The following RMDN2 variants were observed in gnomAD, a reference collection of about 807,000 sequenced individuals.
RMDN2 encodes the protein regulator of microtubule dynamics protein 2.
A neutral mutation model predicts 52.8 loss-of-function variants in RMDN2; 61 were observed. That is an observed-to-expected ratio of 1.16 (90% CI 0.94 to 1.43). RMDN2 has a LOEUF of 1.43. Among genes scored for constraint, RMDN2 ranks in the 40% most tolerant of loss-of-function variants. The probability of loss-of-function intolerance (pLI) is 0.00; values close to 1 mark genes in which losing one functional copy is unlikely to be tolerated. For synonymous variants in RMDN2, 180 were observed against 153.1 expected, an observed-to-expected ratio of 1.18 and a Z score of -1.30; for missense variants, 592 against 475.3, an observed-to-expected ratio of 1.25 and a Z score of -2.28.
At chr2:38,049,306 A>G (rs934370561) in intron 10 of RMDN2, among the ~76,000 whole-genome samples, 1 of 152,144 alleles carries the variant, frequency 6.6e-6, no homozygotes, top group African/African-American at 2.4e-5. Context: ...TCAGTCAGAG[A>G]AGCAGCATGA....
chr2:37,983,217 G>T (rs1344401729), intron 5 of RMDN2, among the ~76,000 whole-genome samples: 3 of 152,136 alleles, frequency 2.0e-5, no homozygotes, highest in Admixed American at 6.5e-5. Context: ...TCAATTTGAG[G>T]TTATTTATCA....
Position 37,929,542 on chromosome 2 carries a change from C to G in RMDN2, c.265C>G (p.Leu89Val). Residue 89 changes from leucine (L) to valine (V), a missense_variant, in exon 2 of 11, where the codon CTC (leucine) becomes GTC (valine). Transcript: ENST00000354545. ...LNELLTNMEE[L>V]KEEIRFLKEA... is the part of the protein sequence containing the mutation. Reference sequence around the variant, plus strand: ...CGAATTACTGACAAATATGGAAGAACTCAAAGAGGAAATCAGATTTCTTAA... The same window carrying G: ...CGAATTACTGACAAATATGGAAGAAGTCAAAGAGGAAATCAGATTTCTTAA... The G allele has an allele frequency of 6.4e-7, 1 of 1,551,704 alleles. No homozygotes were observed. Among genetic ancestry groups the G allele is most frequent in the Non-Finnish European group, 8.7e-7 (1 of 1,146,950 alleles).
chr2:38,020,964 T>G (rs142445641), downstream of RMDN2, among the ~76,000 whole-genome samples: 4,867 of 152,310 alleles, frequency 0.032, 232 homozygotes, highest in African/African-American at 0.1. Context: ...TGAAGCCATC[T>G]GGGCTCCTGA....
At chr2:38,020,178 C>G (rs1443008801), downstream of RMDN2, among the ~76,000 whole-genome samples, 2 of 152,174 alleles carry the variant, frequency 1.3e-5, no homozygotes, top group Non-Finnish European at 1.5e-5. Flanking sequence ...TTAGTGTGCA[C>G]TTTATTTCTA....
At chr2:37,972,255 A>G (rs969892911) in intron 2 of RMDN2, among the ~76,000 whole-genome samples, 2 of 152,160 alleles carry the variant, frequency 1.3e-5, no homozygotes, top group Admixed American at 1.3e-4. Flanking sequence ...TTTTATTTTT[A>G]TGTAAATAAT....
chr2:38,005,058 A>G (rs1676885516), intron 10 of RMDN2, among the ~76,000 whole-genome samples: 1 of 152,098 alleles, frequency 6.6e-6, no homozygotes, highest in Admixed American at 6.5e-5. Context: ...ATAGTATTCC[A>G]TGGTGTATAT....
chr2:37,980,317 T>A (rs913697105), intron 4 of RMDN2, among the ~76,000 whole-genome samples: 6 of 152,166 alleles, frequency 3.9e-5, no homozygotes, highest in East Asian at 3.8e-4. Context: ...GGTTTTTTTT[T>A]ATTTGAGACA....
At chr2:38,025,238 C>T (rs1343143632) in intron 10 of RMDN2, among the ~76,000 whole-genome samples, 1 of 151,882 alleles carries the variant, frequency 6.6e-6, no homozygotes, top group African/African-American at 2.4e-5. Flanking sequence ...CAAACTTATT[C>T]CTAAGTATTT....
At chr2:37,980,084 A>G (rs1430673613) in intron 4 of RMDN2, among the ~76,000 whole-genome samples, 1 of 152,170 alleles carries the variant, frequency 6.6e-6, no homozygotes, top group East Asian at 1.9e-4. Context: ...AGAATAAAAT[A>G]TTTTTATTTA....
At chr2:37,936,817 C>A (rs560863685) in intron 2 of RMDN2, among the ~76,000 whole-genome samples, 156 of 152,232 alleles carry the variant, frequency 1.0e-3, no homozygotes, top group Non-Finnish European at 1.5e-3. Flanking sequence ...GAATAGATTG[C>A]AAAAATTTTC....
chr2:37,980,924 A>G (rs903784323), intron 4 of RMDN2, among the ~76,000 whole-genome samples: 3 of 152,196 alleles, frequency 2.0e-5, no homozygotes, highest in African/African-American at 4.8e-5. Context: ...TATGGCACAT[A>G]GTAGGTACTC....
chr2:37,936,096 G>A (rs534455587), intron 2 of RMDN2, among the ~76,000 whole-genome samples: 2 of 152,168 alleles, frequency 1.3e-5, no homozygotes, highest in South Asian at 4.1e-4. Context: ...TCCCCTCCCT[G>A]TGTCCATGTG....
At chr2:37,996,643 T>C (rs910933585) in intron 7 of RMDN2, among the ~76,000 whole-genome samples, 2 of 149,284 alleles carry the variant, frequency 1.3e-5, no homozygotes, top group African/African-American at 4.9e-5. Flanking sequence ...CCAAGGAATC[T>C]AGGTGATGGG....
chr2:38,002,843 A>G (rs1052988571), intron 8 of RMDN2: 4 of 152,268 alleles, frequency 2.6e-5, no homozygotes, highest in Admixed American at 2.0e-4. Context: ...TTTTAAAAGT[A>G]TCCTCTTCTC....
intron 2 of RMDN2, among the ~76,000 whole-genome samples, chr2:37,930,281 T>G (rs1553343068): frequency 6.6e-6 from 1 of 152,196 alleles, no homozygotes; most frequent in Non-Finnish European, 1.5e-5. Flanking sequence ...TTAGTGCAGG[T>G]CAAAAAAGAC....
chr2:37,995,390 G>A (rs1490189957), intron 7 of RMDN2, among the ~76,000 whole-genome samples: 1 of 150,586 alleles, frequency 6.6e-6, no homozygotes, highest in East Asian at 1.9e-4. Context: ...TAAATTTTAA[G>A]GCAAAAGTAT....
At chr2:38,066,861 G>T in intron 10 of RMDN2, 1 of 788,112 alleles carries the variant, frequency 1.3e-6, no homozygotes, top group Non-Finnish European at 2.2e-6. Flanking sequence ...GAAAACTAGT[G>T]AGTATTCTCT....
intron 10 of RMDN2, among the ~76,000 whole-genome samples, chr2:38,009,529 C>T (rs1431486008): frequency 1.3e-5 from 2 of 152,184 alleles, no homozygotes; most frequent in South Asian, 2.1e-4. Flanking sequence ...GCATTTGTCA[C>T]GTAGTTCTCG....
At chr2:37,953,026 A>G (rs1669038513) in intron 2 of RMDN2, 1 of 151,992 alleles carries the variant, frequency 6.6e-6, no homozygotes, top group South Asian at 2.1e-4. Flanking sequence ...ATACAATTAG[A>G]TTTTGTAGAG....
Sources: gnomAD v4.1 joint callset for allele counts (sites outside exome capture counted in the v4.1 genomes callset) on GRCh38, gnomAD v4.1.1 for gene constraint, MANE v1.5 for transcripts, NCBI Gene and HGNC (gene_info 2026-07-23, HGNC 2026-07-21) for gene names.